The following DLG2 variants were observed in gnomAD, a reference collection of about 807,000 sequenced individuals.
The protein encoded by DLG2 is disks large homolog 2.
In DLG2, 45 loss-of-function variants were observed where a neutral mutation model predicts 132.5. The observed-to-expected ratio is 0.34, with a 90% CI of 0.27 to 0.44. The LOEUF is 0.44. Ranked by LOEUF, DLG2 falls within the 20% of genes least tolerant of loss-of-function variation. The pLI is 1.00. For synonymous variants in DLG2, 424 were observed against 419.6 expected (o/e 1.01, Z -0.13); for missense variants, 1,045 against 1,196.9 (o/e 0.87, Z 1.87).
At chr11:84,914,474 A>C (rs2092328478) in intron 6 of DLG2, among the ~76,000 whole-genome samples, 1 of 152,232 alleles carries the variant, frequency 6.6e-6, no homozygotes, top group Non-Finnish European at 1.5e-5. Flanking sequence ...CGGATGCTCA[A>C]ACTTCAATTT....
chr11:85,574,347 C>G (rs1463328035), intron 3 of DLG2, among the ~76,000 whole-genome samples: 1 of 151,652 alleles, frequency 6.6e-6, no homozygotes, highest in Non-Finnish European at 1.5e-5. Flanking sequence ...GATTTTCTAC[C>G]CTACCCCCCA....
intron 11 of DLG2, among the ~76,000 whole-genome samples, chr11:83,995,463 G>T (rs1395382610): frequency 6.6e-6 from 1 of 151,970 alleles, no homozygotes; most frequent in Non-Finnish European, 1.5e-5. Flanking sequence ...GATCAGATTT[G>T]GTCTCCCTCC....
chr11:84,041,183 C>A (rs1483398), intron 11 of DLG2, among the ~76,000 whole-genome samples: 98,146 of 151,830 alleles, frequency 0.65, 34,029 homozygotes, highest in Non-Finnish European at 0.78. Flanking sequence ...GGATGCAATA[C>A]AATTATTGTA....
At chr11:84,972,678 C>T (rs376965582) in intron 6 of DLG2, among the ~76,000 whole-genome samples, 6 of 152,100 alleles carry the variant, frequency 3.9e-5, no homozygotes, top group Non-Finnish European at 8.8e-5. Context: ...TTTAATGGGC[C>T]GCTCTGTCAA....
At chr11:85,415,303 A>G (rs983183273) in intron 3 of DLG2, among the ~76,000 whole-genome samples, 1 of 152,178 alleles carries the variant, frequency 6.6e-6, no homozygotes, top group Non-Finnish European at 1.5e-5. Context: ...TATTGTGAAT[A>G]GTGCCACAAT....
At chr11:85,110,466 T>C (rs1352848536) in intron 6 of DLG2, among the ~76,000 whole-genome samples, 1 of 151,904 alleles carries the variant, frequency 6.6e-6, no homozygotes, top group Admixed American at 6.6e-5. Flanking sequence ...CCTTTCTCTA[T>C]CATAAGTAGT....
chr11:84,263,563 G>A (rs774200908), intron 7 of DLG2, among the ~76,000 whole-genome samples: 2 of 152,074 alleles, frequency 1.3e-5, no homozygotes, highest in Non-Finnish European at 2.9e-5. Context: ...TATATAAAGA[G>A]TAAAAAAGAT....
intron 4 of DLG2, among the ~76,000 whole-genome samples, chr11:85,218,127 T>C (rs2082738391): frequency 6.6e-6 from 1 of 152,198 alleles, no homozygotes; most frequent in Non-Finnish European, 1.5e-5. Flanking sequence ...TTCTATCCTG[T>C]TCCATTGCTC....
chr11:83,541,390 G>A (rs1383602658), intron 20 of DLG2, among the ~76,000 whole-genome samples: 1 of 152,160 alleles, frequency 6.6e-6, no homozygotes, highest in Non-Finnish European at 1.5e-5. Flanking sequence ...GAGCTGATAA[G>A]CACAAGTTTG....
At chr11:84,084,471 G>A (rs190011771) in intron 10 of DLG2, among the ~76,000 whole-genome samples, 7 of 152,246 alleles carry the variant, frequency 4.6e-5, no homozygotes, top group East Asian at 3.9e-4. Context: ...GGGAGAAACC[G>A]CTCTCAGAAG....
intron 6 of DLG2, among the ~76,000 whole-genome samples, chr11:84,677,726 T>C (rs1040688951): frequency 6.6e-6 from 1 of 151,702 alleles, no homozygotes; most frequent in African/African-American, 2.4e-5. Context: ...AAAAAAGAAA[T>C]AATAATAATA....
At chr11:83,849,797 C>T (rs185530062) in intron 16 of DLG2, among the ~76,000 whole-genome samples, 39 of 150,136 alleles carry the variant, frequency 2.6e-4, no homozygotes, top group South Asian at 6.3e-4. Context: ...ACATTTATAA[C>T]GCGAATTTCT....
intron 3 of DLG2, among the ~76,000 whole-genome samples, chr11:85,354,592 G>A (rs747767898): frequency 6.6e-6 from 1 of 151,694 alleles, no homozygotes; most frequent in Non-Finnish European, 1.5e-5. Flanking sequence ...TCTATCATCT[G>A]ATTTGGATCT....
intron 7 of DLG2, among the ~76,000 whole-genome samples, chr11:84,350,900 A>T (rs2098562894): frequency 6.6e-6 from 1 of 152,196 alleles, no homozygotes; most frequent in Non-Finnish European, 1.5e-5. Context: ...TCAGAAAGCA[A>T]TCTATCAGAC....
At chr11:84,819,199 G>A (rs2077413093) in intron 6 of DLG2, among the ~76,000 whole-genome samples, 1 of 151,642 alleles carries the variant, frequency 6.6e-6, no homozygotes. Context: ...TCTCACAATA[G>A]AAAGTATGTG....
chr11:85,437,898 C>T (rs2091577313), intron 3 of DLG2, among the ~76,000 whole-genome samples: 1 of 152,148 alleles, frequency 6.6e-6, no homozygotes, highest in Admixed American at 6.6e-5. Flanking sequence ...AATACATAAA[C>T]ACATAGAGAA....
chr11:85,034,960 T>A (rs888940069), intron 6 of DLG2, among the ~76,000 whole-genome samples: 1 of 152,178 alleles, frequency 6.6e-6, no homozygotes, highest in Non-Finnish European at 1.5e-5. Context: ...CGCCAAAATC[T>A]CAACCTCAAT....
Position 83,889,802 on chromosome 11 carries a change from C to G in DLG2, c.1497-15314G>C, listed in dbSNP as rs553421067. ...CCATAAAAAAACAGTGAGTTCATGT[C>G]CTTTGTAGGGACATGGATGAAATTG... On this transcript the variant is annotated intron_variant, in intron 15 of 27. Coordinates refer to ENST00000376104, the MANE Select transcript of DLG2 (RefSeq NM_001142699.3). Among the ~76,000 whole-genome samples, 3 of 152,218 alleles carry G rather than the reference C, an allele frequency of 2.0e-5. No individual in the cohort carries two copies. The East Asian group carries it at 5.8e-4, about 29-fold the overall frequency.
At chr11:85,572,898 T>C (rs1237180834) in intron 3 of DLG2, among the ~76,000 whole-genome samples, 2 of 152,202 alleles carry the variant, frequency 1.3e-5, no homozygotes, top group Non-Finnish European at 2.9e-5. Context: ...ATCCTCAATG[T>C]TGGAGGTAGG....
Sources: allele counts gnomAD v4.1 joint callset (sites outside exome capture counted in the v4.1 genomes callset), GRCh38; gene constraint gnomAD v4.1.1; transcripts MANE v1.5; gene names NCBI Gene and HGNC (gene_info 2026-07-23, HGNC 2026-07-21).